Variants in CD48 observed in about 807,000 individuals in gnomAD.
CD48 encodes CD48 antigen.
In CD48, 20 loss-of-function variants were observed where a neutral mutation model predicts 22.0. The observed-to-expected ratio is 0.91, with a 90% confidence interval of 0.64 to 1.32. CD48 has a LOEUF of 1.32. Among genes scored for constraint, CD48 ranks in the 40% most tolerant of loss-of-function variants. The pLI is 0.00. For missense variants in CD48, 307 were observed against 286.5 expected (o/e 1.07, Z -0.52); for synonymous variants, 110 against 110.1 (o/e 1.00, Z 0.01).
chr1:160,709,058 G>A (rs535277413), intron 1 of CD48, among the ~76,000 whole-genome samples: 1 of 152,310 alleles, frequency 6.6e-6, no homozygotes, highest in Admixed American at 6.5e-5. Flanking sequence ...AAAAGCACAT[G>A]AAAGTGAGAC....
intron 3 of CD48, chr1:160,680,371 C>T (rs1327174805): frequency 6.2e-6 from 1 of 162,572 alleles, no homozygotes; most frequent in Admixed American, 6.5e-5. Context: ...GACTTGTCAG[C>T]CACTGTGATA....
intron 2 of CD48, 67 bp downstream of exon 2, chr1:160,684,820 G>A (rs765361646): frequency 2.2e-5 from 35 of 1,613,876 alleles, no homozygotes; most frequent in Non-Finnish European, 2.4e-5. Flanking sequence ...TGCCTCCCAG[G>A]AAGCCCTACA....
At chr1:160,706,060 C>T (rs1353375756) in intron 1 of CD48, among the ~76,000 whole-genome samples, 1 of 151,982 alleles carries the variant, frequency 6.6e-6, no homozygotes, top group South Asian at 2.1e-4. Context: ...GGTAGTAACA[C>T]CAGACAGATC....
At chr1:160,688,259 T>G (rs969089569) in intron 1 of CD48, among the ~76,000 whole-genome samples, 5 of 152,222 alleles carry the variant, frequency 3.3e-5, no homozygotes, top group Non-Finnish European at 5.9e-5. Flanking sequence ...AGGCCCGTGA[T>G]AACAGCGATT....
intron 1 of CD48, 59 bp from the exon 2 acceptor site, chr1:160,685,248 C>T: frequency 7.5e-7 from 1 of 1,330,580 alleles, no homozygotes. Flanking sequence ...CTGACAGGCC[C>T]AGGGTATAGC....
intron 1 of CD48, among the ~76,000 whole-genome samples, chr1:160,693,547 T>C (rs1018825075): frequency 6.6e-6 from 1 of 152,290 alleles, no homozygotes; most frequent in Non-Finnish European, 1.5e-5. Flanking sequence ...AAATTGGTCA[T>C]TTAAAAAAGA....
In CD48 at chr1:160,691,519, C is replaced by T. The variant is rs181483163; in HGVS notation, c.83-6330G>A. 2.8e-4 allele frequency among the ~76,000 whole-genome samples: 42 copies of T among 152,304 alleles called. No homozygotes were observed. The East Asian group carries it at 8.1e-3, about 29-fold the overall frequency. On this transcript the variant is annotated intron_variant, in intron 1 of 3. Coordinates refer to ENST00000368046, the MANE Select transcript of CD48 (RefSeq NM_001778.4). ...ACGTGTTTGTCTGCTCACCCTCTCC[C>T]CACTATTGTCTTGTGACCCTGACAC...
Position 160,684,898 on chromosome 1 carries a change from A to T in CD48, c.374T>A (p.Leu125Gln), listed in dbSNP as rs139401342. The T allele has an allele frequency of 5.3e-5, 85 of 1,613,976 alleles. No homozygotes were observed. The highest frequency in any genetic ancestry group is 8.3e-5 in the Admixed American group (5 of 60,004). The change falls in exon 2 of 4, where the codon CTG becomes CAG. Residue 125 changes from leucine (L) to glutamine (Q), a missense_variant. By Grantham distance (113) the Leu-to-Gln change is moderately radical. Coordinates refer to ENST00000368046, the MANE Select transcript of CD48 (RefSeq NM_001778.4). Reference sequence around the variant, plus strand: ...CTCCCCTGACTCACCAAGCACTTGCAGCTTGATCTTCCATTCTTGCTCATT... The same window carrying T: ...CTCCCCTGACTCACCAAGCACTTGCTGCTTGATCTTCCATTCTTGCTCATT... Reference protein sequence around the residue: ...TGNEQEWKIKLQVLDPVPKPV... With the variant: ...TGNEQEWKIKQQVLDPVPKPV...
At chr1:160,701,156 T>A (rs530506804) in intron 1 of CD48, among the ~76,000 whole-genome samples, 1 of 124,200 alleles carries the variant, frequency 8.1e-6, no homozygotes, top group Non-Finnish European at 1.7e-5. Flanking sequence ...TTTCACAATC[T>A]GATTTATGTA....
intron 1 of CD48, among the ~76,000 whole-genome samples, chr1:160,707,538 G>C (rs1310623912): frequency 6.6e-6 from 1 of 152,132 alleles, no homozygotes; most frequent in Admixed American, 6.5e-5. Context: ...GCTGGTGGTG[G>C]AGAAAAGTTA....
intron 1 of CD48, among the ~76,000 whole-genome samples, chr1:160,695,333 C>T (rs529706936): frequency 4.3e-4 from 66 of 152,284 alleles, no homozygotes; most frequent in Non-Finnish European, 5.9e-4. Flanking sequence ...GCTGCAGAAA[C>T]GAAAGATAAA....
intron 3 of CD48, among the ~76,000 whole-genome samples, chr1:160,679,846 T>C (rs550456994): frequency 2.2e-4 from 33 of 152,324 alleles, no homozygotes; most frequent in African/African-American, 6.5e-4. Context: ...GTCTTCCTTT[T>C]TCTGGATCTC....
At position 160,679,101 on chromosome 1, in the gene CD48, C is replaced by G; in HGVS notation, c.683G>C (p.Ser228Thr). 6.2e-7 allele frequency: 1 copy of G among 1,614,148 alleles called. No homozygotes were observed. The highest frequency in any genetic ancestry group is 8.5e-7 in the Non-Finnish European group (1 of 1,180,018). Residue 228 changes from serine to threonine, a missense_variant, in exon 4 of 4, where the codon AGT (serine) becomes ACT (threonine). Transcript: ENST00000368046. ...GGTGGGCACCGTGACCACTAGCCAA[C>G]TTGCAATCCATTCTACTCCAAAGGA... ...ARSFGVEWIA[S>T]WLVVTVPTIL...
chr1:160,686,271 G>C (rs1024126983), intron 1 of CD48, among the ~76,000 whole-genome samples: 2 of 152,146 alleles, frequency 1.3e-5, no homozygotes, highest in Non-Finnish European at 2.9e-5. Flanking sequence ...TGATAGACAG[G>C]AGGGCAGGAG....
chr1:160,692,625 G>A (rs540731330), intron 1 of CD48, among the ~76,000 whole-genome samples: 8 of 152,184 alleles, frequency 5.3e-5, no homozygotes, highest in South Asian at 4.2e-4. Flanking sequence ...ACCCTCAGCC[G>A]CCCACTAGGA....
chr1:160,688,780 T>C (rs1449005406), intron 1 of CD48, among the ~76,000 whole-genome samples: 1 of 152,172 alleles, frequency 6.6e-6, no homozygotes, highest in East Asian at 1.9e-4. Context: ...AGGGAAAGAA[T>C]GAGCTGATCC....
intron 2 of CD48, among the ~76,000 whole-genome samples, chr1:160,682,235 G>A (rs553545928): frequency 3.3e-5 from 5 of 151,522 alleles, no homozygotes; most frequent in African/African-American, 1.2e-4. Flanking sequence ...ATTGCTTGCA[G>A]CCAGGAGTTA....
intron 2 of CD48, among the ~76,000 whole-genome samples, chr1:160,682,272 G>A (rs538949872): frequency 3.7e-4 from 54 of 146,340 alleles, no homozygotes; most frequent in African/African-American, 1.4e-3. Context: ...AACATTGAGA[G>A]ACTCAGTTTC....
At chr1:160,679,955 A>G (rs1295931707) in intron 3 of CD48, among the ~76,000 whole-genome samples, 1 of 152,220 alleles carries the variant, frequency 6.6e-6, no homozygotes, top group African/African-American at 2.4e-5. Flanking sequence ...GTGGTGGCAG[A>G]AGAGCAAGGC....
Sources: allele counts gnomAD v4.1 joint callset (sites outside exome capture counted in the v4.1 genomes callset), GRCh38; gene constraint gnomAD v4.1.1; transcripts MANE v1.5; gene names NCBI Gene and HGNC (gene_info 2026-07-23, HGNC 2026-07-21).